The following OR1B1 variants were observed in gnomAD, a reference collection of about 807,000 sequenced individuals.
The protein encoded by OR1B1 is olfactory receptor family 1 subfamily B member 1.
For missense variants in OR1B1, 414 were observed against 402.1 expected, an observed-to-expected ratio of 1.03 and a Z score of -0.25; for synonymous variants, 168 against 156.2, an observed-to-expected ratio of 1.08 and a Z score of -0.57.
chr9:122,651,924 C>T, the OR1B1 span, among the ~76,000 whole-genome samples: 9,008 of 152,202 alleles, frequency 0.059, 374 homozygotes, highest in Non-Finnish European at 0.089. Context: ...ATAGCTGGGA[C>T]TACAGCCTCC....
At chr9:122,646,657 C>G in the OR1B1 span, among the ~76,000 whole-genome samples, 1 of 151,910 alleles carries the variant, frequency 6.6e-6, no homozygotes, top group African/African-American at 2.4e-5. Context: ...GAGGATATAA[C>G]AATTATAAAT....
the OR1B1 span, among the ~76,000 whole-genome samples, chr9:122,656,720 A>T: frequency 5.3e-5 from 8 of 152,252 alleles, no homozygotes; most frequent in Admixed American, 2.6e-4. Flanking sequence ...ATCATTTCAC[A>T]GTCTACAAAC....
upstream of OR1B1, among the ~76,000 whole-genome samples, chr9:122,631,599 G>A (rs1830204187): frequency 6.6e-6 from 1 of 152,216 alleles, no homozygotes; most frequent in Non-Finnish European, 1.5e-5. Context: ...TGGAGGTAGT[G>A]ATGGCAGGTG....
exon 1 of OR1B1, chr9:122,629,301 T>A: frequency 6.2e-7 from 1 of 1,614,092 alleles, no homozygotes; most frequent in Non-Finnish European, 8.5e-7. Context: ...TGGGGCAGTG[T>A]AACTGTGGAT....
chr9:122,631,281 A>G (rs1251319876), upstream of OR1B1, among the ~76,000 whole-genome samples: 2 of 151,422 alleles, frequency 1.3e-5, no homozygotes, highest in Non-Finnish European at 2.9e-5. Flanking sequence ...AGTTCATGCC[A>G]TTCTCCTGCC....
the OR1B1 span, among the ~76,000 whole-genome samples, chr9:122,635,342 TAGAAGGGTGATTAGCAG>T: frequency 1.3e-5 from 2 of 152,126 alleles, no homozygotes; most frequent in African/African-American, 4.8e-5. Flanking sequence ...AAACAGTGAC[TAGAAGGGTGATTAGCAG>T]GAGTCGGGGA....
chr9:122,650,521 T>C, the OR1B1 span, among the ~76,000 whole-genome samples: 1 of 151,904 alleles, frequency 6.6e-6, no homozygotes, highest in Non-Finnish European at 1.5e-5. Flanking sequence ...AGATTAAATC[T>C]GGGGGAGGCA....
the OR1B1 span, among the ~76,000 whole-genome samples, chr9:122,655,964 T>G: frequency 6.6e-6 from 1 of 152,152 alleles, no homozygotes; most frequent in African/African-American, 2.4e-5. Context: ...ATGCATTGAA[T>G]CCTGGCCCTG....
upstream of OR1B1, among the ~76,000 whole-genome samples, chr9:122,632,024 G>A (rs1830208623): frequency 6.6e-6 from 1 of 152,102 alleles, no homozygotes; most frequent in South Asian, 2.1e-4. Flanking sequence ...AAGCATTGGA[G>A]TACCTTTTAG....
chr9:122,636,792 C>T, the OR1B1 span, among the ~76,000 whole-genome samples: 3 of 152,162 alleles, frequency 2.0e-5, no homozygotes, highest in Admixed American at 6.5e-5. Context: ...ACAAAGGTTT[C>T]GGAGTCAGAC....
the OR1B1 span, among the ~76,000 whole-genome samples, chr9:122,645,033 T>C: frequency 1.1e-4 from 16 of 152,058 alleles, no homozygotes; most frequent in African/African-American, 3.9e-4. Context: ...TCAAAGAAAT[T>C]CAAGAAAACA....
At chr9:122,648,571 T>C in the OR1B1 span, among the ~76,000 whole-genome samples, 2 of 152,104 alleles carry the variant, frequency 1.3e-5, no homozygotes, top group South Asian at 2.1e-4. Flanking sequence ...ACAAAATCAA[T>C]GTGCAAAAAT....
chr9:122,633,452 G>T (rs1400774893), upstream of OR1B1, among the ~76,000 whole-genome samples: 1 of 152,026 alleles, frequency 6.6e-6, no homozygotes, highest in Non-Finnish European at 1.5e-5. Context: ...AAACAAGTGA[G>T]ACTACATCAA....
At chr9:122,637,515 T>A in the OR1B1 span, among the ~76,000 whole-genome samples, 5 of 152,180 alleles carry the variant, frequency 3.3e-5, no homozygotes, top group African/African-American at 1.2e-4. Context: ...TCATGTACCA[T>A]CCTTGGGTCC....
At chr9:122,629,014 A>G (rs757534399) in exon 1 of OR1B1, 5 of 1,614,064 alleles carry the variant, frequency 3.1e-6, no homozygotes, top group Non-Finnish European at 4.2e-6. Context: ...CGTTGCCCCC[A>G]GCATCCCCAG....
downstream of OR1B1, chr9:122,628,520 CTGCTCAGAATA>C (rs555254743): frequency 2.3e-4 from 266 of 1,170,410 alleles, no homozygotes; most frequent in East Asian, 5.6e-3. Flanking sequence ...AAAACCAACT[CTGCTCAGAATA>C]TGCCCATGAC....
the OR1B1 span, among the ~76,000 whole-genome samples, chr9:122,653,351 A>G: frequency 3.3e-5 from 5 of 152,298 alleles, no homozygotes; most frequent in East Asian, 7.7e-4. Context: ...CCCAGCTCTA[A>G]CACCCATCAA....
At chr9:122,629,169 C>G (rs1432518955) in exon 1 of OR1B1, 1 of 1,613,976 alleles carries the variant, frequency 6.2e-7, no homozygotes, top group South Asian at 1.1e-5. Context: ...ACATAGCGAT[C>G]CAGAGCCATG....
chr9:122,639,468 A>G, the OR1B1 span: 1 of 152,014 alleles, frequency 6.6e-6, no homozygotes, highest in Non-Finnish European at 1.5e-5. Flanking sequence ...TCTGTGATAT[A>G]TATTTGGGTT....
Sources: allele counts gnomAD v4.1 joint callset (sites outside exome capture counted in the v4.1 genomes callset), GRCh38; gene constraint gnomAD v4.1.1; transcripts MANE v1.5; gene names NCBI Gene and HGNC (gene_info 2026-07-23, HGNC 2026-07-21).